The following NDUFAF5 variants were observed in gnomAD, a reference collection of about 807,000 sequenced individuals.
NDUFAF5 encodes the protein NADH:ubiquinone oxidoreductase complex assembly factor 5.
NDUFAF5 carries 34 observed loss-of-function variants against 48.9 expected under a neutral mutation model. The observed-to-expected ratio is 0.70, with a 90% CI of 0.53 to 0.93. The LOEUF (loss-of-function observed/expected upper bound fraction) is 0.93. NDUFAF5 is among the 40% of genes least tolerant of loss of function. NDUFAF5 has a pLI of 0.00. For missense variants in NDUFAF5, 428 were observed against 427.5 expected, an observed-to-expected ratio of 1.00 and a Z score of -0.01; for synonymous variants, 153 against 150.6, an observed-to-expected ratio of 1.02 and a Z score of -0.12.
rs1001150174 is a variant in NDUFAF5, at chr20:13,821,499, A to T, written c.*4289A>T. The T allele has an allele frequency of 4.6e-5, 7 of 152,168 alleles. No homozygotes were observed. Among genetic ancestry groups the T allele is most frequent in the Non-Finnish European group, 8.8e-5 (6 of 68,040 alleles). The allele number at this position is 152,168 out of a possible 1,614,324, so 9.4% of individuals were successfully genotyped here. On this transcript the variant is annotated 3_prime_UTR_variant, in exon 11 of 11. Coordinates refer to ENST00000378106, the MANE Select transcript of NDUFAF5 (RefSeq NM_024120.5). ...TGCATTGACCACAACCTCATGAGAG[A>T]CCCTGAGCTAGAACCACCTAGCTAA...
In NDUFAF5 at chr20:13,787,125, A is replaced by G. The variant is rs1244210686; in HGVS notation, c.223-187A>G. 4.0e-5 allele frequency: 26 copies of G among 656,708 alleles called. No homozygotes were observed. The Admixed American group carries it at 5.6e-4, about 14-fold the overall frequency. The allele number at this position is 656,708 out of a possible 1,614,324, so 40.7% of individuals were successfully genotyped here. On this transcript the variant is annotated intron_variant, in intron 1 of 10. Transcript: ENST00000378106. ...AGAATATTTAGTCTGGATTTCATGA[A>G]ATTGACTTCTGAAATAATTTGCCTC... is the stretch of plus-strand genomic sequence containing the variant.
chr20:13,789,975 A>T (rs895377041), intron 3 of NDUFAF5, among the ~76,000 whole-genome samples: 1 of 152,212 alleles, frequency 6.6e-6, no homozygotes, highest in African/African-American at 2.4e-5. Context: ...AAGGATTCTC[A>T]GGGGGCACAG....
chr20:13,799,536 T>C (rs1339752234), intron 6 of NDUFAF5, among the ~76,000 whole-genome samples: 1 of 151,894 alleles, frequency 6.6e-6, no homozygotes, highest in African/African-American at 2.4e-5. Flanking sequence ...CCGCCTCTAC[T>C]AAAAATACAA....
At chr20:13,816,438 C>G in intron 8 of NDUFAF5, 25 bp from the exon 9 acceptor site, 1 of 1,568,984 alleles carries the variant, frequency 6.4e-7, no homozygotes, top group Non-Finnish European at 8.8e-7. Context: ...TGTATTATCT[C>G]AAACTACCTG....
intron 7 of NDUFAF5, among the ~76,000 whole-genome samples, chr20:13,802,993 A>G (rs78855380): frequency 2.0e-5 from 3 of 152,340 alleles, no homozygotes; most frequent in African/African-American, 7.2e-5. Flanking sequence ...TGATTAGTGG[A>G]AATAGGAATT....
chr20:13,797,145 A>T (rs1422840223), intron 5 of NDUFAF5, among the ~76,000 whole-genome samples: 2 of 152,204 alleles, frequency 1.3e-5, no homozygotes, highest in Admixed American at 6.5e-5. Context: ...TATTGGTGGG[A>T]ATGCGAAATG....
rs1178081804 is a variant in NDUFAF5, at chr20:13,788,671, C to G, written c.327+19C>G. The G allele has an allele frequency of 1.3e-6, 2 of 1,528,120 alleles. No homozygotes were observed. Among genetic ancestry groups the G allele is most frequent in the Non-Finnish European group, 1.8e-6 (2 of 1,102,584 alleles). 94.7% of individuals were successfully genotyped at this position (1,528,120 alleles called of 1,614,324 possible). A position where few individuals can be genotyped will look rare whatever the true frequency, so the allele number is the denominator to read the frequency against. ...GAATAAGGTATATTTATTCAATGACCTAATTTACTTTGAAAAGTAACATTG... is the reference window on the plus strand; with the variant it reads ...GAATAAGGTATATTTATTCAATGACGTAATTTACTTTGAAAAGTAACATTG... On this transcript the variant is annotated intron_variant, in intron 3 of 10. Coordinates refer to ENST00000378106, the MANE Select transcript of NDUFAF5 (RefSeq NM_024120.5).
chr20:13,801,680 T>C lies in NDUFAF5; in HGVS notation c.714T>C (p.Thr238=). ...LLGRAGFNTL[T]VDTDEIQVNY... is the part of the protein sequence containing the mutation. ...GGAGAGCTGGCTTTAATACTCTGAC[T>C]GTGGTAACTATCAAGTTCGATTAAC... is the stretch of plus-strand genomic sequence containing the variant. Residue 238 remains threonine (T), a synonymous_variant, in exon 7 of 11, where the codon ACT becomes ACC. Transcript: ENST00000378106. The C allele has an allele frequency of 6.2e-7, 1 of 1,613,280 alleles. No individual in the cohort carries two copies. Among genetic ancestry groups the C allele is most frequent in the Non-Finnish European group, 8.5e-7 (1 of 1,179,282 alleles).
At chr20:13,811,234 G>A (rs1046007652) in intron 8 of NDUFAF5, among the ~76,000 whole-genome samples, 1 of 152,104 alleles carries the variant, frequency 6.6e-6, no homozygotes, top group Non-Finnish European at 1.5e-5. Context: ...GTTCCAGTGT[G>A]GTCAGGGATG....
chr20:13,799,337 C>T (rs1226462926), intron 6 of NDUFAF5, among the ~76,000 whole-genome samples: 3 of 152,110 alleles, frequency 2.0e-5, no homozygotes, highest in East Asian at 1.9e-4. Context: ...TCCAGTTTCC[C>T]GTTACTGTGC....
chr20:13,809,517 A>G (rs944654484), intron 8 of NDUFAF5, among the ~76,000 whole-genome samples: 26 of 152,220 alleles, frequency 1.7e-4, no homozygotes, highest in African/African-American at 6.3e-4. Context: ...AAAGAAGGGC[A>G]TTTTGGCTGG....
chr20:13,806,776 A>ATTCAT (rs1418488255), intron 7 of NDUFAF5, among the ~76,000 whole-genome samples: 2 of 152,232 alleles, frequency 1.3e-5, no homozygotes, highest in African/African-American at 4.8e-5. Flanking sequence ...TCATGGTCTC[A>ATTCAT]CTACCTAGAG....
rs570414991 is a variant in NDUFAF5, at chr20:13,817,955, A to G, written c.*745A>G. 2.2e-4 allele frequency: 102 copies of G among 454,176 alleles called. No homozygotes were observed. Among genetic ancestry groups the G allele is most frequent in the African/African-American group, 2.0e-3 (101 of 50,136 alleles). The allele number at this position is 454,176 out of a possible 1,614,324, so 28.1% of individuals were successfully genotyped here. ...AGACAGCTTAGGATAGGTGAGAAGA[A>G]CATAGAGGAAGCAGGGAGAAGGCTG... On this transcript the variant is annotated 3_prime_UTR_variant, in exon 11 of 11. Coordinates refer to ENST00000378106, the MANE Select transcript of NDUFAF5 (RefSeq NM_024120.5).
At position 13,787,342 on chromosome 20, in the gene NDUFAF5, G is replaced by A; in HGVS notation, c.253G>A (p.Asp85Asn). ...VGSRIADRVYDIPRNFPLALD... is the reference protein window; with the variant it reads ...VGSRIADRVYNIPRNFPLALD... ...AAGTCGGATCGCAGACCGTGTATAT[G>A]ACATACCCAGGTAAGTGGTGGTGAT... The change falls in exon 2 of 11, where the codon GAC becomes AAC. Residue 85 changes from aspartate (D) to asparagine (N), a missense_variant. Asp to Asn is a conservative substitution (Grantham distance 23). Coordinates refer to ENST00000378106, the MANE Select transcript of NDUFAF5 (RefSeq NM_024120.5). The A allele has an allele frequency of 1.2e-6, 2 of 1,614,034 alleles. No individual in the cohort carries two copies. Among genetic ancestry groups the A allele is most frequent in the Non-Finnish European group, 1.7e-6 (2 of 1,179,920 alleles).
At position 13,785,255 on chromosome 20, in the gene NDUFAF5, C is replaced by T. The variant is rs1313001598; in HGVS notation, c.187C>T (p.Pro63Ser). 6.2e-7 allele frequency: 1 copy of T among 1,612,736 alleles called. No homozygotes were observed. The highest frequency in any genetic ancestry group is 8.5e-7 in the Non-Finnish European group (1 of 1,179,532). The part of the protein sequence containing the change: ...RKQKNWAARQ[P>S]EPTKFDYLKE... The stretch of plus-strand genomic sequence containing the variant: ...ACAGAAGAACTGGGCAGCCCGGCAG[C>T]CCGAGCCGACCAAATTTGACTACCT... The change falls in exon 1 of 11, where the codon CCC (proline) becomes TCC (serine). Residue 63 changes from proline (P) to serine (S), a missense_variant. Physicochemically the swap from Pro to Ser is moderately conservative, Grantham distance 74 (BLOSUM62 -1). Coordinates refer to ENST00000378106, the MANE Select transcript of NDUFAF5 (RefSeq NM_024120.5).
At chr20:13,801,449 A>G (rs1984104808) in intron 6 of NDUFAF5, 37 bp from the exon 7 acceptor site, 6 of 1,360,116 alleles carry the variant, frequency 4.4e-6, no homozygotes, top group Non-Finnish European at 6.1e-6. Context: ...ATATATATAA[A>G]AATTTGAATC....
chr20:13,807,519 CA>C (rs1251774953), intron 7 of NDUFAF5, among the ~76,000 whole-genome samples: 1 of 151,650 alleles, frequency 6.6e-6, no homozygotes, highest in Non-Finnish European at 1.5e-5. Flanking sequence ...CAGTCAATAA[CA>C]TGTCTTGGAG....
chr20:13,794,710 C>T, intron 4 of NDUFAF5, 128 bp from the exon 5 acceptor site: 2 of 720,212 alleles, frequency 2.8e-6, no homozygotes, highest in Non-Finnish European at 4.9e-6. Context: ...CTCTGTGCCA[C>T]CTTTGGGAAG....
rs944415988 is a variant in NDUFAF5, at chr20:13,808,972, C to A, written c.778+70C>A. On this transcript the variant is annotated intron_variant, in intron 8 of 10. Coordinates refer to ENST00000378106, the MANE Select transcript of NDUFAF5 (RefSeq NM_024120.5). ...GCCAAAAAAAAAGAATTTTTAGACT[C>A]CATTTGAGAGAAACATTTTGAGAGC... The A allele has an allele frequency of 6.9e-6, 7 of 1,020,550 alleles. No individual in the cohort carries two copies. In the African/African-American group the frequency reaches 1.1e-4, roughly 16 times the overall value. The allele number at this position is 1,020,550 out of a possible 1,614,324, so 63.2% of individuals were successfully genotyped here. A position where few individuals can be genotyped will look rare whatever the true frequency, so the allele number is the denominator to read the frequency against.
Sources: allele counts gnomAD v4.1 joint callset (sites outside exome capture counted in the v4.1 genomes callset), GRCh38; gene constraint gnomAD v4.1.1; transcripts MANE v1.5; gene names NCBI Gene and HGNC (gene_info 2026-07-23, HGNC 2026-07-21).